Variants in CFAP69 observed in about 807,000 individuals in gnomAD.
CFAP69 encodes cilia- and flagella-associated protein 69.
CFAP69 carries 92 observed loss-of-function variants against 123.0 expected under a neutral mutation model. The observed-to-expected ratio is 0.75, with a 90% CI of 0.63 to 0.89. The LOEUF is 0.89. Ranked by LOEUF, CFAP69 falls within the 40% of genes least tolerant of loss-of-function variation. The probability of loss-of-function intolerance (pLI) is 0.00; values close to 1 mark genes in which losing one functional copy is unlikely to be tolerated. For missense variants in CFAP69, 1,067 were observed against 1,096.9 expected, an observed-to-expected ratio of 0.97 and a Z score of 0.39; for synonymous variants, 380 against 364.3, an observed-to-expected ratio of 1.04 and a Z score of -0.49.
Position 90,258,102 on chromosome 7 carries a change from G to T in CFAP69, c.185G>T (p.Gly62Val). The change falls in exon 3 of 23, where the codon GGC (glycine) becomes GTC (valine). Residue 62 changes from glycine to valine, a missense_variant. Coordinates refer to ENST00000389297, the MANE Select transcript of CFAP69 (RefSeq NM_001039706.3). ...AAAATAGGTGATCTGTTTTAGGATG[G>T]CTTGGAAGAAAAACAACTTAAATTT... ...IKLLEETDKD[G>V]LEEKQLKFVK... 6.2e-7 allele frequency: 1 copy of T among 1,610,890 alleles called. No individual in the cohort carries two copies. Among genetic ancestry groups the T allele is most frequent in the South Asian group, 1.1e-5 (1 of 90,628 alleles).
chr7:90,318,108 A>G, the CFAP69 span: 5 of 152,218 alleles, frequency 3.3e-5, 1 homozygote, highest in South Asian at 6.2e-4. Context: ...ATAGGCTTTT[A>G]CGACATGCAT....
At chr7:90,313,908 G>T (rs1794542558), downstream of CFAP69, among the ~76,000 whole-genome samples, 1 of 152,136 alleles carries the variant, frequency 6.6e-6, no homozygotes, top group Non-Finnish European at 1.5e-5. Flanking sequence ...AAGAAAACTG[G>T]CAAACACTAC....
rs57578763 is a variant in CFAP69 at position 90,275,590 on chromosome 7, C to CTTTTT, written c.985-1458_985-1454dup. On this transcript the variant is annotated intron_variant, in intron 9 of 22. Transcript: ENST00000389297. ...TACGGCCTGCTCTCAGGCCAAAAGC[C>CTTTTT]TTTTTTTTTTTTTTTTTTTTTTTTT... Among the ~76,000 whole-genome samples the CTTTTT allele has an allele frequency of 1.3e-3, 81 of 62,072 alleles. 6 individuals are homozygous for CTTTTT. Among genetic ancestry groups the CTTTTT allele is most frequent in the East Asian group, 2.3e-3 (5 of 2,146 alleles). The allele number at this position is 62,072 out of a possible 152,430, so 40.7% of individuals were successfully genotyped here.
At chr7:90,304,204 C>A in intron 18 of CFAP69, 98 bp downstream of exon 18, 1 of 1,417,392 alleles carries the variant, frequency 7.1e-7, no homozygotes, top group East Asian at 2.6e-5. Context: ...GAGCAAAAAT[C>A]TCTTTATATA....
the CFAP69 span, chr7:90,320,395 G>A: frequency 6.6e-6 from 1 of 152,246 alleles, no homozygotes; most frequent in Non-Finnish European, 1.5e-5. Context: ...CATACATGAA[G>A]TGGCACGAAA....
downstream of CFAP69, among the ~76,000 whole-genome samples, chr7:90,315,146 A>G (rs1458080674): frequency 4.0e-5 from 6 of 148,876 alleles, 1 homozygote; most frequent in Admixed American, 4.1e-4. Flanking sequence ...ATGCTTATAC[A>G]CTGTTGCTGG....
chr7:90,289,194 G>A (rs1790741923), intron 15 of CFAP69, among the ~76,000 whole-genome samples: 1 of 151,736 alleles, frequency 6.6e-6, no homozygotes. Flanking sequence ...GCCCAGATCT[G>A]GGCATTTTTA....
At chr7:90,255,928 GTTATT>G (rs1176251852) in intron 2 of CFAP69, among the ~76,000 whole-genome samples, 1 of 152,154 alleles carries the variant, frequency 6.6e-6, no homozygotes, top group African/African-American at 2.4e-5. Context: ...TGGAAATTAA[GTTATT>G]TTAGACACAA....
At chr7:90,304,376 G>A in intron 18 of CFAP69, 1 of 1,218,248 alleles carries the variant, frequency 8.2e-7, no homozygotes, top group East Asian at 4.1e-5. Flanking sequence ...AGATGATTAA[G>A]CTTAAAATAC....
chr7:90,257,651 A>T (rs1797810391), intron 2 of CFAP69, among the ~76,000 whole-genome samples: 1 of 152,194 alleles, frequency 6.6e-6, no homozygotes, highest in African/African-American at 2.4e-5. Context: ...AACATGGCTT[A>T]TTTCACTTAA....
At chr7:90,283,596 T>C (rs1450993304) in intron 13 of CFAP69, among the ~76,000 whole-genome samples, 1 of 152,192 alleles carries the variant, frequency 6.6e-6, no homozygotes, top group Non-Finnish European at 1.5e-5. Flanking sequence ...CGTCATCAAT[T>C]AGACACTTAA....
chr7:90,284,904 T>C (rs1430730436), intron 13 of CFAP69, among the ~76,000 whole-genome samples: 1 of 152,182 alleles, frequency 6.6e-6, no homozygotes, highest in Non-Finnish European at 1.5e-5. Context: ...TCTTAAGGCA[T>C]GGAGAGCCTC....
intron 6 of CFAP69, among the ~76,000 whole-genome samples, chr7:90,269,459 G>A (rs995907217): frequency 1.3e-5 from 2 of 152,142 alleles, no homozygotes; most frequent in Non-Finnish European, 2.9e-5. Flanking sequence ...TCAAAGAGGA[G>A]GAAGAAAACC....
intron 13 of CFAP69, among the ~76,000 whole-genome samples, chr7:90,284,571 C>A (rs187895406): frequency 7.2e-5 from 11 of 152,132 alleles, no homozygotes; most frequent in African/African-American, 2.7e-4. Context: ...TTAGCCTACA[C>A]GTCATCAATT....
rs193206201 is a variant in CFAP69 at position 90,275,823 on chromosome 7, C to T, written c.985-1250C>T. On this transcript the variant is annotated intron_variant, in intron 9 of 22. Coordinates refer to ENST00000389297, the MANE Select transcript of CFAP69 (RefSeq NM_001039706.3). ...TTCACTGTGTTAGCCAGGATGGTCT[C>T]GATCTCCTGACCTCAGGATCTGCCC... 2.6e-5 allele frequency among the ~76,000 whole-genome samples: 4 copies of T among 151,948 alleles called. No individual in the cohort carries two copies. The East Asian group carries it at 7.8e-4, about 30-fold the overall frequency.
chr7:90,313,018 T>A (rs1273014917), downstream of CFAP69, among the ~76,000 whole-genome samples: 1 of 152,220 alleles, frequency 6.6e-6, no homozygotes, highest in Non-Finnish European at 1.5e-5. Flanking sequence ...AATTAGTGAA[T>A]AATTAGGTGA....
At chr7:90,247,480 A>C (rs1051284447) in intron 1 of CFAP69, among the ~76,000 whole-genome samples, 4 of 152,234 alleles carry the variant, frequency 2.6e-5, no homozygotes, top group African/African-American at 9.7e-5. Context: ...TATGTGACCA[A>C]AGACCAGTAT....
At chr7:90,301,355 G>T (rs975667803) in intron 17 of CFAP69, 1 of 151,900 alleles carries the variant, frequency 6.6e-6, no homozygotes. Context: ...AGGTTCAGGG[G>T]TACACATACA....
chr7:90,317,138 A>G, the CFAP69 span: 2 of 151,988 alleles, frequency 1.3e-5, no homozygotes, highest in Non-Finnish European at 2.9e-5. Context: ...AAGAACACAG[A>G]TGTTCAATAT....
Sources: gnomAD v4.1 joint callset for allele counts (sites outside exome capture counted in the v4.1 genomes callset) on GRCh38, gnomAD v4.1.1 for gene constraint, MANE v1.5 for transcripts, NCBI Gene and HGNC (gene_info 2026-07-23, HGNC 2026-07-21) for gene names.